Variants in EXOC6 observed in about 807,000 individuals in gnomAD.
The protein encoded by EXOC6 is SEC15-like 1.
A neutral mutation model predicts 112.5 loss-of-function variants in EXOC6; 60 were observed. The ratio of observed to expected loss-of-function variants is 0.53; its 90% confidence interval spans 0.43 to 0.66. The LOEUF (loss-of-function observed/expected upper bound fraction) is 0.66, where lower values mean the gene tolerates loss of function less well. Among genes scored for constraint, EXOC6 ranks in the 30% least tolerant of loss-of-function variants. EXOC6 has a pLI of 0.00. For missense variants in EXOC6, 855 were observed against 957.1 expected (o/e 0.89, Z 1.41); for synonymous variants, 295 against 308.0 (o/e 0.96, Z 0.44).
intron 1 of EXOC6, among the ~76,000 whole-genome samples, chr10:92,841,044 C>T (rs1846831635): frequency 2.0e-5 from 3 of 152,194 alleles, no homozygotes. Context: ...TATCACCTTA[C>T]ATACTTTTTG....
chr10:93,039,037 G>A (rs1215004637), intron 20 of EXOC6, among the ~76,000 whole-genome samples: 1 of 151,790 alleles, frequency 6.6e-6, no homozygotes. Context: ...TATTAAAAAA[G>A]GCCGGTCATG....
At chr10:92,935,932 C>A (rs2133959668) in intron 12 of EXOC6, 47 bp downstream of exon 12, 1 of 1,233,976 alleles carries the variant, frequency 8.1e-7, no homozygotes. Context: ...CACTTAAAAA[C>A]ATACAAAATA....
At position 92,935,902 on chromosome 10, in the gene EXOC6, CAATT is replaced by C; in HGVS notation, c.1212+21_1212+24del. 1.4e-6 allele frequency: 2 copies of C among 1,460,406 alleles called. No individual in the cohort carries two copies. The highest frequency in any genetic ancestry group is 1.9e-6 in the Non-Finnish European group (2 of 1,046,474). 90.5% of individuals were successfully genotyped at this position (1,460,406 alleles called of 1,614,324 possible). A position where few individuals can be genotyped will look rare whatever the true frequency, so the allele number is the denominator to read the frequency against. ...ACTTTACAGGTGGGTGATAACCTAA[CAATT>C]AATGGTTATTCTGATCACTTAAAAA... On this transcript the variant is annotated intron_variant, in intron 12 of 21. Coordinates refer to ENST00000260762, the MANE Select transcript of EXOC6 (RefSeq NM_019053.6).
At chr10:92,883,468 T>C (rs1044135184) in intron 1 of EXOC6, among the ~76,000 whole-genome samples, 7 of 152,280 alleles carry the variant, frequency 4.6e-5, no homozygotes, top group African/African-American at 1.7e-4. Flanking sequence ...ATTTCAGTAC[T>C]AGTCAATAAG....
In EXOC6 at chr10:92,948,372, T is replaced by G. The variant is rs776666831; in HGVS notation, c.1409T>G (p.Leu470Arg). 1.3e-5 allele frequency: 21 copies of G among 1,567,670 alleles called. No homozygotes were observed. The highest frequency in any genetic ancestry group is 1.7e-5 in the Non-Finnish European group (20 of 1,149,862). Reference protein sequence around the residue: ...ISKFPFQDPDLEKQSFPKKFP... With the variant: ...ISKFPFQDPDREKQSFPKKFP... The stretch of plus-strand genomic sequence containing the variant: ...AAATTTCCCTTTCAAGATCCAGACC[T>G]TGAAAAGGTACAAGCTAGTTTTTAA... The change falls in exon 14 of 22, where the codon CTT (leucine) becomes CGT (arginine). Residue 470 changes from leucine to arginine, a missense_variant. Around this residue, in one of 2 missense-constraint regions of EXOC6, gnomAD observed 450 missense variants for 563.5 expected, o/e 0.80. Coordinates refer to ENST00000260762, the MANE Select transcript of EXOC6 (RefSeq NM_019053.6).
chr10:92,948,249 GTT>G (rs1248975852), intron 13 of EXOC6, 23 bp from the exon 14 acceptor site: 2 of 1,444,738 alleles, frequency 1.4e-6, no homozygotes, highest in Non-Finnish European at 1.9e-6. Context: ...GTAATGATAA[GTT>G]TTCAATTTTC....
chr10:93,034,885 C>T (rs966584520), intron 20 of EXOC6, among the ~76,000 whole-genome samples: 5 of 152,172 alleles, frequency 3.3e-5, no homozygotes, highest in African/African-American at 4.8e-5. Context: ...GTTTTAAAGT[C>T]GTTGACTTCT....
intron 19 of EXOC6, among the ~76,000 whole-genome samples, chr10:93,010,356 T>C (rs1294616209): frequency 2.1e-4 from 32 of 152,176 alleles, no homozygotes; most frequent in Admixed American, 2.1e-3. Flanking sequence ...AAAACCTGAA[T>C]TAGTTATATA....
intron 20 of EXOC6, among the ~76,000 whole-genome samples, chr10:93,022,633 A>T (rs1312785674): frequency 1.3e-5 from 2 of 152,284 alleles, no homozygotes; most frequent in Non-Finnish European, 2.9e-5. Flanking sequence ...ATTGAAAAAG[A>T]TAGATATTTT....
At chr10:92,886,125 C>T (rs1564801162) in intron 1 of EXOC6, among the ~76,000 whole-genome samples, 1 of 152,142 alleles carries the variant, frequency 6.6e-6, no homozygotes, top group Non-Finnish European at 1.5e-5. Flanking sequence ...CTAGCACATT[C>T]ATATATGAAT....
intron 1 of EXOC6, among the ~76,000 whole-genome samples, chr10:92,858,033 G>A (rs868781724): frequency 2.8e-4 from 25 of 88,442 alleles, no homozygotes; most frequent in South Asian, 1.0e-3. Context: ...CCCCCCCTCC[G>A]CCGGCCAGCA....
At chr10:93,027,954 G>A (rs1028787612) in intron 20 of EXOC6, among the ~76,000 whole-genome samples, 2 of 152,148 alleles carry the variant, frequency 1.3e-5, no homozygotes, top group African/African-American at 4.8e-5. Context: ...ATGGGTCTGG[G>A]CAAAGTCAAC....
At chr10:92,966,253 A>G (rs1842042708) in intron 17 of EXOC6, among the ~76,000 whole-genome samples, 1 of 149,074 alleles carries the variant, frequency 6.7e-6, no homozygotes, top group African/African-American at 2.5e-5. Flanking sequence ...CTTTTTCCCT[A>G]AACGTGGTCT....
chr10:92,868,815 C>CTTT (rs370569114), intron 1 of EXOC6, among the ~76,000 whole-genome samples: 6 of 135,912 alleles, frequency 4.4e-5, no homozygotes, highest in African/African-American at 1.1e-4. Context: ...CTCCCTCCCT[C>CTTT]TTTTTTTTTT....
At chr10:93,003,026 C>T (rs1323027016) in intron 19 of EXOC6, among the ~76,000 whole-genome samples, 1 of 151,942 alleles carries the variant, frequency 6.6e-6, no homozygotes, top group Non-Finnish European at 1.5e-5. Context: ...CATGAGCCAC[C>T]AAAGAAATGC....
intron 19 of EXOC6, among the ~76,000 whole-genome samples, chr10:93,008,801 TTA>T (rs1844112666): frequency 6.6e-6 from 1 of 152,220 alleles, no homozygotes; most frequent in African/African-American, 2.4e-5. Flanking sequence ...AGCTCATGAT[TTA>T]GTTTTAATTG....
intron 20 of EXOC6, among the ~76,000 whole-genome samples, chr10:93,016,086 T>TG (rs1844495903): frequency 6.6e-6 from 1 of 152,204 alleles, no homozygotes; most frequent in Middle Eastern, 3.2e-3. Flanking sequence ...AAATTATCAC[T>TG]GGCTAAGTAA....
intron 1 of EXOC6, among the ~76,000 whole-genome samples, chr10:92,837,104 AC>A (rs1846683797): frequency 6.7e-6 from 1 of 149,748 alleles, no homozygotes; most frequent in Non-Finnish European, 1.5e-5. Flanking sequence ...CATAACACAC[AC>A]ACACACACAC....
intron 1 of EXOC6, among the ~76,000 whole-genome samples, chr10:92,828,722 G>A (rs1401290441): frequency 7.6e-5 from 4 of 52,766 alleles, no homozygotes; most frequent in African/African-American, 2.8e-4. Flanking sequence ...GTGTGTGTGT[G>A]TGTGTGTATT....
Sources: gnomAD v4.1 joint callset for allele counts (sites outside exome capture counted in the v4.1 genomes callset) on GRCh38, gnomAD v4.1.1 for gene constraint, gnomAD v4.1.1 regional missense constraint, MANE v1.5 for transcripts, NCBI Gene and HGNC (gene_info 2026-07-23, HGNC 2026-07-21) for gene names.